Variants in TCF20 observed in about 807,000 individuals in gnomAD.
TCF20 encodes the protein transcription factor 20, also known as SPRE-binding protein.
Under a neutral mutation model 148.6 loss-of-function variants are expected in TCF20, and 3 were observed. That is an observed-to-expected ratio of 0.02 (90% CI 0.01 to 0.05). The LOEUF is 0.05. Among genes scored for constraint, TCF20 ranks in the 10% least tolerant of loss-of-function variants. The pLI is 1.00. For missense variants in TCF20, 2,350 were observed against 2,429.3 expected (o/e 0.97, Z 0.69); for synonymous variants, 1,049 against 909.5 (o/e 1.15, Z -2.76).
intron 2 of TCF20, among the ~76,000 whole-genome samples, chr22:42,200,720 C>A (rs1002144566): frequency 1.3e-5 from 2 of 152,084 alleles, no homozygotes; most frequent in Non-Finnish European, 2.9e-5. Flanking sequence ...TTCTGACTCC[C>A]GTTTCTACCA....
rs1324348625 is a variant in TCF20, at chr22:42,210,224, C to T, written c.5082G>A (p.Val1694=). The change falls in exon 2 of 6, where the codon GTG becomes GTA. Residue 1694 remains valine, a synonymous_variant. Coordinates refer to ENST00000677622, the MANE Select transcript of TCF20 (RefSeq NM_001378418.1). This position sits in a 1 kb window ranked among gnomAD's most constrained non-coding sequence, Gnocchi z 4.7. ...GGTGCCCCATAACCGAAGACTCTGT[C>T]ACAACAGGTCCCTGCAGCATAAAGG... is the stretch of plus-strand genomic sequence containing the variant. The part of the protein sequence containing the change: ...ASSFMLQGPV[V]TESSVMGHLV... The T allele has an allele frequency of 6.2e-7, 1 of 1,614,174 alleles. No individual in the cohort carries two copies. Among genetic ancestry groups the T allele is most frequent in the Non-Finnish European group, 8.5e-7 (1 of 1,180,036 alleles).
At chr22:42,331,264 G>A (rs1018575458) in intron 1 of TCF20, among the ~76,000 whole-genome samples, 6 of 152,146 alleles carry the variant, frequency 3.9e-5, no homozygotes, top group South Asian at 2.1e-4. Context: ...ACGAGCCACC[G>A]GGTGCTGCAC....
chr22:42,314,993 A>C (rs1163376046), intron 1 of TCF20, among the ~76,000 whole-genome samples: 1 of 152,006 alleles, frequency 6.6e-6, no homozygotes, highest in Non-Finnish European at 1.5e-5. Flanking sequence ...TTTGTTTTAA[A>C]CTGGCTGTGC....
chr22:42,252,241 C>T (rs1332469429), intron 1 of TCF20, among the ~76,000 whole-genome samples: 3 of 150,522 alleles, frequency 2.0e-5, no homozygotes, highest in Non-Finnish European at 3.0e-5. Context: ...GAGCCGAGCA[C>T]CACTGCACTC....
At chr22:42,194,356 A>G (rs529362696) in intron 2 of TCF20, among the ~76,000 whole-genome samples, 1 of 152,230 alleles carries the variant, frequency 6.6e-6, no homozygotes, top group Non-Finnish European at 1.5e-5. Context: ...GCTTCAATGA[A>G]GAACGGTTTC....
intron 1 of TCF20, among the ~76,000 whole-genome samples, chr22:42,234,766 C>T (rs78870601): frequency 0.038 from 5,726 of 152,252 alleles, 162 homozygotes; most frequent in Non-Finnish European, 0.06. Context: ...CCAAGAAGAG[C>T]ATCAAGAATT....
At chr22:42,271,489 C>T (rs1926619909), upstream of TCF20, among the ~76,000 whole-genome samples, 1 of 152,350 alleles carries the variant, frequency 6.6e-6, no homozygotes, top group Admixed American at 6.5e-5. Context: ...GGCTTGACTT[C>T]TTTATAAAGA....
chr22:42,224,882 A>T (rs1004456635), intron 1 of TCF20, among the ~76,000 whole-genome samples: 1 of 152,202 alleles, frequency 6.6e-6, no homozygotes, highest in Non-Finnish European at 1.5e-5. Context: ...GTCCCAGGCC[A>T]AAGGGAATAA....
intron 2 of TCF20, among the ~76,000 whole-genome samples, chr22:42,198,134 C>T (rs1037702108): frequency 6.6e-5 from 10 of 152,164 alleles, no homozygotes; most frequent in African/African-American, 1.9e-4. Flanking sequence ...ACATTATACT[C>T]ACGCTAAACT....
rs2147199699 is a variant in TCF20, at chr22:42,210,880, G to C, written c.4426C>G (p.Gln1476Glu). Residue 1476 changes from glutamine to glutamate, a missense_variant, in exon 2 of 6, where the codon CAA (glutamine) becomes GAA (glutamate). By Grantham distance (29) the Gln-to-Glu change is conservative. This residue lies in a region of TCF20 where 231 missense variants were observed against 213.7 expected (regional missense o/e 1.08). Coordinates refer to ENST00000677622, the MANE Select transcript of TCF20 (RefSeq NM_001378418.1). The surrounding 1 kb of genome is among the most constrained non-coding windows in gnomAD (Gnocchi z 4.7). ...CCCAGGGAACCATCTGGTCTCCCTTGGTTACTACCAGGCTTCTGTGAGGTT... is the reference window on the plus strand; with the variant it reads ...CCCAGGGAACCATCTGGTCTCCCTTCGTTACTACCAGGCTTCTGTGAGGTT... ...STTSQKPGSNQGRPDGSLGGT... is the reference protein window; with the variant it reads ...STTSQKPGSNEGRPDGSLGGT... 2 of 1,614,180 alleles carry C rather than the reference G, an allele frequency of 1.2e-6. No individual in the cohort carries two copies. The highest frequency in any genetic ancestry group is 3.3e-5 in the Admixed American group (2 of 60,020).
intron 2 of TCF20, among the ~76,000 whole-genome samples, chr22:42,202,576 G>A (rs1438646633): frequency 1.3e-5 from 2 of 152,218 alleles, no homozygotes; most frequent in Non-Finnish European, 2.9e-5. Flanking sequence ...ACCTTCCGGG[G>A]CAAGTGTTTA....
rs533968639 is a variant in TCF20 at position 42,318,057 on chromosome 22, C to T, written c.-37+25422G>A. Among the ~76,000 whole-genome samples, 44 of 152,368 alleles carry T rather than the reference C, an allele frequency of 2.9e-4. No homozygotes were observed. The South Asian group carries it at 5.8e-3, about 20-fold the overall frequency. ...CTTGACCCCACAAGCACCCCCGGCC[C>T]GCTTACCTGCCAGAGGCCCTGGCCA... On this transcript the variant is annotated intron_variant, in intron 1 of 1. Transcript: ENST00000515426.
At chr22:42,231,928 CAAA>C (rs55642530) in intron 1 of TCF20, among the ~76,000 whole-genome samples, 106 of 123,266 alleles carry the variant, frequency 8.6e-4, no homozygotes, top group South Asian at 1.6e-3. Context: ...GACTCCGTCT[CAAA>C]AAAAAAAAAA....
chr22:42,340,909 G>A (rs1341198202), intron 1 of TCF20, among the ~76,000 whole-genome samples: 1 of 85,580 alleles, frequency 1.2e-5, no homozygotes, highest in South Asian at 4.5e-4. Flanking sequence ...CAACCAGCCC[G>A]CAGCCGGCTC....
At chr22:42,263,878 GA>G (rs200884977) in intron 1 of TCF20, among the ~76,000 whole-genome samples, 437 of 152,262 alleles carry the variant, frequency 2.9e-3, no homozygotes, top group African/African-American at 0.01. Flanking sequence ...AGATGGCAAA[GA>G]ATAGGTCCTA....
chr22:42,293,106 T>G (rs1927163025), intron 1 of TCF20, among the ~76,000 whole-genome samples: 1 of 151,960 alleles, frequency 6.6e-6, no homozygotes, highest in Admixed American at 6.6e-5. Flanking sequence ...AGGCCAAGTG[T>G]CCTTCCTTGG....
upstream of TCF20, among the ~76,000 whole-genome samples, chr22:42,272,359 CTG>C (rs565012270): frequency 9.2e-5 from 14 of 152,350 alleles, no homozygotes; most frequent in African/African-American, 3.4e-4. Context: ...CTCCTGAAGA[CTG>C]GTGTTGGGGG....
chr22:42,270,664 G>A (rs1288467675), upstream of TCF20, among the ~76,000 whole-genome samples: 8 of 144,018 alleles, frequency 5.6e-5, no homozygotes, highest in South Asian at 1.7e-3. Context: ...AGAGCGTCAG[G>A]TGACGGCGCG....
intron 5 of TCF20, among the ~76,000 whole-genome samples, chr22:42,161,563 G>A: frequency 6.6e-6 from 1 of 152,210 alleles, no homozygotes; most frequent in Non-Finnish European, 1.5e-5. Flanking sequence ...ATTAAAGGCA[G>A]CAATGACCTA....
Sources: gnomAD v4.1 joint callset for allele counts (sites outside exome capture counted in the v4.1 genomes callset) on GRCh38, gnomAD v4.1.1 for gene constraint, gnomAD v4.1.1 regional missense constraint, Gnocchi (gnomAD v3.1) non-coding constraint, MANE v1.5 for transcripts, NCBI Gene and HGNC (gene_info 2026-07-23, HGNC 2026-07-21) for gene names.